Variants in TCHHL1 observed in about 807,000 individuals in gnomAD.
TCHHL1 encodes the protein trichohyalin like 1.
In TCHHL1, 1 loss-of-function variant was observed where a neutral mutation model predicts 3.5. The ratio of observed to expected loss-of-function variants is 0.29; its 90% CI spans 0.10 to 1.36. The LOEUF is 1.36. Ranked by LOEUF, TCHHL1 falls within the 40% of genes most tolerant of loss-of-function variation. TCHHL1 has a pLI of 0.43. For missense variants in TCHHL1, 1,027 were observed against 1,032.8 expected, an observed-to-expected ratio of 0.99 and a Z score of 0.08; for synonymous variants, 405 against 375.3, an observed-to-expected ratio of 1.08 and a Z score of -0.92.
Position 152,084,832 on chromosome 1 carries a change from G to C in TCHHL1, c.*135C>G. On this transcript the variant is annotated 3_prime_UTR_variant, in exon 3 of 3. Transcript: ENST00000368806. ...TTCTTTAGTGGTGTCCCCCACTGCT[G>C]AATATTTTATTATTTGTTTTTGTAG... The C allele has an allele frequency of 5.9e-6, 6 of 1,025,162 alleles. No homozygotes were observed. In the South Asian group the frequency reaches 8.3e-5, roughly 14 times the overall value. 63.5% of individuals were successfully genotyped at this position (1,025,162 alleles called of 1,614,324 possible).
Position 152,084,871 on chromosome 1 carries a change from G to T in TCHHL1, c.*96C>A, listed in dbSNP as rs539580149. The T allele has an allele frequency of 3.8e-6, 5 of 1,330,878 alleles. No homozygotes were observed. Among genetic ancestry groups the T allele is most frequent in the South Asian group, 1.4e-5 (1 of 69,420 alleles). 82.4% of individuals were successfully genotyped at this position (1,330,878 alleles called of 1,614,324 possible). A position where few individuals can be genotyped will look rare whatever the true frequency, so the allele number is the denominator to read the frequency against. On this transcript the variant is annotated 3_prime_UTR_variant, in exon 3 of 3. Coordinates refer to ENST00000368806, the MANE Select transcript of TCHHL1 (RefSeq NM_001008536.2). ...TTGTTTTTGTAGAAATTTAGGAAGA[G>T]AATTTAAAAGATTGTTAATCTGCAT...
intron 2 of TCHHL1, 46 bp downstream of exon 2, chr1:152,087,959 GA>G: frequency 6.5e-7 from 1 of 1,526,906 alleles, no homozygotes; most frequent in Non-Finnish European, 8.8e-7. Flanking sequence ...GGATTATAAA[GA>G]AAGGGTGAGT....
rs1329421105 is a variant in TCHHL1, at chr1:152,086,954, C to G, written c.728G>C (p.Ser243Thr). 2 of 1,614,026 alleles carry G rather than the reference C, an allele frequency of 1.2e-6. No homozygotes were observed. The highest frequency in any genetic ancestry group is 2.7e-5 in the African/African-American group (2 of 74,906). The change falls in exon 3 of 3, where the codon AGT (serine) becomes ACT (threonine). Residue 243 changes from serine to threonine, a missense_variant. Around this residue, in one of 3 missense-constraint regions of TCHHL1, gnomAD observed 338 missense variants for 335.9 expected, o/e 1.01. Transcript: ENST00000368806. ...QEGDEPAREQ[S>T]VSKIRDQFGE... ...AAACTGGTCTCTTATCTTGGAAACA[C>G]TTTGCTCTCTGGCTGGTTCATCTCC...
chr1:152,086,620 C>T lies in TCHHL1; in HGVS notation c.1062G>A (p.Glu354=), dbSNP rs2101505703. The T allele has an allele frequency of 1.2e-6, 2 of 1,614,118 alleles. No homozygotes were observed. The highest frequency in any genetic ancestry group is 4.5e-5 in the East Asian group (2 of 44,878). ...PAKTKNLGEP[E]DYGRTSETQE... is the part of the protein sequence containing the mutation. ...GGGTCTCAGATGTTCTGCCATAATCCTCAGGTTCACCCAAATTCTTTGTTT... is the reference window on the plus strand; with the variant it reads ...GGGTCTCAGATGTTCTGCCATAATCTTCAGGTTCACCCAAATTCTTTGTTT... Residue 354 remains glutamate (E), a synonymous_variant, in exon 3 of 3, where the codon GAG becomes GAA. Transcript: ENST00000368806.
At position 152,088,019 on chromosome 1, in the gene TCHHL1, C is replaced by T. The variant is rs76137589; in HGVS notation, c.125G>A (p.Gly42Glu). The change falls in exon 2 of 3, where the codon GGG becomes GAG. Residue 42 changes from glycine (G) to glutamate (E), a missense_variant. Transcript: ENST00000368806. The stretch of plus-strand genomic sequence containing the variant: ...TGAGAAGCTCACCTGAAAAAAGTCC[C>T]CAAACTCGCCCTGGATGAGTTGTTT... ...ELKQLIQGEF[G>E]DFFQPCVLHA... is the part of the protein sequence containing the mutation. 2.4e-3 allele frequency: 3,795 copies of T among 1,598,904 alleles called. 98 individuals are homozygous for T. The African/African-American group carries it at 0.048, about 20-fold the overall frequency.
In TCHHL1 at chr1:152,087,204, A is replaced by G. The variant is rs764848876; in HGVS notation, c.478T>C (p.Trp160Arg). 2.6e-5 allele frequency: 42 copies of G among 1,613,796 alleles called. No individual in the cohort carries two copies. In the Admixed American group the frequency reaches 6.3e-4, roughly 24 times the overall value. Residue 160 changes from tryptophan to arginine, a missense_variant, in exon 3 of 3, where the codon TGG becomes CGG. By Grantham distance (101) the Trp-to-Arg change is moderately radical. Coordinates refer to ENST00000368806, the MANE Select transcript of TCHHL1 (RefSeq NM_001008536.2). ...GAVGNNRVDP[W>R]REAKTHNFPG... ...AAGTTGTGAGTCTTGGCTTCTCTCC[A>G]TGGGTCCACTCTGTTATTTCCAACT...
rs767244206 is a variant in TCHHL1 at position 152,086,374 on chromosome 1, T to C, written c.1308A>G (p.Lys436=). 8 of 1,614,114 alleles carry C rather than the reference T, an allele frequency of 5.0e-6. No homozygotes were observed. In the South Asian group the frequency reaches 8.8e-5, roughly 18 times the overall value. Residue 436 remains lysine, a synonymous_variant, in exon 3 of 3, where the codon AAA becomes AAG. Transcript: ENST00000368806. ...GTGTCTCAGAACCTTTTTCAGCATC[T>C]TTTGATTTTGATAATCCTTGGAGTT... The part of the protein sequence containing the change: ...YQELQGLSKS[K]DAEKGSETQY...
Position 152,087,556 on chromosome 1 carries a change from A to T in TCHHL1, c.139-13T>A, listed in dbSNP as rs373607313. 14 of 1,573,002 alleles carry T rather than the reference A, an allele frequency of 8.9e-6. No individual in the cohort carries two copies. In the African/African-American group the frequency reaches 1.3e-4, roughly 15 times the overall value. On this transcript the variant is annotated splice_polypyrimidine_tract_variant and intron_variant, in intron 2 of 2. Coordinates refer to ENST00000368806, the MANE Select transcript of TCHHL1 (RefSeq NM_001008536.2). ...GAAGGACACAGGGCTGCATGAAAAC[A>T]CAGTGAGAAATCAGCTTATTTATAT...
At chr1:152,087,870 G>A (rs957190407) in intron 2 of TCHHL1, 136 bp downstream of exon 2, 2 of 1,148,706 alleles carry the variant, frequency 1.7e-6, no homozygotes, top group African/African-American at 3.1e-5. Context: ...ACTGAAAATA[G>A]TTGTTCAAGA....
chr1:152,087,586 T>C, intron 2 of TCHHL1, 43 bp from the exon 3 acceptor site: 2 of 1,536,506 alleles, frequency 1.3e-6, no homozygotes, highest in Non-Finnish European at 1.7e-6. Context: ...TTATATGTGG[T>C]CCAGTGTCCT....
In TCHHL1 at chr1:152,085,301, C is replaced by A; in HGVS notation, c.2381G>T (p.Gly794Val). 1 of 1,614,172 alleles carries A rather than the reference C, an allele frequency of 6.2e-7. No homozygotes were observed. The highest frequency in any genetic ancestry group is 8.5e-7 in the Non-Finnish European group (1 of 1,180,028). ...RDQEPCSVER[G>V]AVYSSPLYQY... ...GTATAGTGGACTGGAATAGACTGCA[C>A]CCCTCTCCACAGAACAGGGCTCTTG... The change falls in exon 3 of 3, where the codon GGT becomes GTT. Residue 794 changes from glycine (G) to valine (V), a missense_variant. By Grantham distance (109) the Gly-to-Val change is moderately radical (BLOSUM62 -3). Around this residue, in one of 3 missense-constraint regions of TCHHL1, gnomAD observed 673 missense variants for 658.6 expected, o/e 1.02. Transcript: ENST00000368806.
chr1:152,085,019 G>A lies in TCHHL1; in HGVS notation c.2663C>T (p.Pro888Leu). Reference protein sequence around the residue: ...PQALEDKQGHPQRERLVLQRE... With the variant: ...PQALEDKQGHLQRERLVLQRE... ...TTGTAGTACCAGCCTCTCTCTCTGA[G>A]GGTGACCTTGCTTATCTTCCAAGGC... The change falls in exon 3 of 3, where the codon CCT (proline) becomes CTT (leucine). Residue 888 changes from proline (P) to leucine (L), a missense_variant. By Grantham distance (98) the Pro-to-Leu change is moderately conservative (BLOSUM62 -3). This residue lies in a region of TCHHL1 where 673 missense variants were observed against 658.6 expected (regional missense o/e 1.02). Coordinates refer to ENST00000368806, the MANE Select transcript of TCHHL1 (RefSeq NM_001008536.2). 1.2e-6 allele frequency: 2 copies of A among 1,614,048 alleles called. No homozygotes were observed. Among genetic ancestry groups the A allele is most frequent in the South Asian group, 2.2e-5 (2 of 91,072 alleles).
chr1:152,085,099 C>T lies in TCHHL1; in HGVS notation c.2583G>A (p.Arg861=), dbSNP rs1657693193. ...NYSQASQPYT[R]GLPLDESPAG... ...CAGGACTCTCATCAAGTGGAAGTCC[C>T]CTGGTATATGGTTGTGATGCTTGGC... is the stretch of plus-strand genomic sequence containing the variant. The change falls in exon 3 of 3, where the codon AGG becomes AGA. Residue 861 remains arginine, a synonymous_variant. Coordinates refer to ENST00000368806, the MANE Select transcript of TCHHL1 (RefSeq NM_001008536.2). 4 of 1,613,992 alleles carry T rather than the reference C, an allele frequency of 2.5e-6. No homozygotes were observed. The highest frequency in any genetic ancestry group is 3.4e-6 in the Non-Finnish European group (4 of 1,180,020).
Position 152,086,848 on chromosome 1 carries a change from A to C in TCHHL1, c.834T>G (p.Val278=). 6.2e-7 allele frequency: 1 copy of C among 1,613,990 alleles called. No homozygotes were observed. Among genetic ancestry groups the C allele is most frequent in the Non-Finnish European group, 8.5e-7 (1 of 1,179,976 alleles). ...ATQRPCEDQE[V]RTEKEKHSNI... ...TAGAGTGTTTTTCCTTTTCTGTTCT[A>C]ACTTCCTGATCTTCACATGGTCTTT... The change falls in exon 3 of 3, where the codon GTT becomes GTG. Residue 278 remains valine, a synonymous_variant. Coordinates refer to ENST00000368806, the MANE Select transcript of TCHHL1 (RefSeq NM_001008536.2).
chr1:152,087,888 A>AGT (rs1353571709), intron 2 of TCHHL1, 118 bp downstream of exon 2: 9 of 1,237,890 alleles, frequency 7.3e-6, no homozygotes, highest in Non-Finnish European at 8.9e-6. Flanking sequence ...AGAGACAGTG[A>AGT]GTGCTGAGAA....
intron 2 of TCHHL1, 114 bp from the exon 3 acceptor site, chr1:152,087,657 C>T (rs773175881): frequency 1.8e-6 from 2 of 1,133,072 alleles, no homozygotes; most frequent in African/African-American, 3.1e-5. Flanking sequence ...TTAACTTTCC[C>T]AGAACAGCAA....
rs2101505084 is a variant in TCHHL1, at chr1:152,086,238, T to C, written c.1444A>G (p.Asn482Asp). 6.2e-7 allele frequency: 1 copy of C among 1,614,258 alleles called. No individual in the cohort carries two copies. Among genetic ancestry groups the C allele is most frequent in the African/African-American group, 1.3e-5 (1 of 75,066 alleles). Residue 482 changes from asparagine to aspartate, a missense_variant, in exon 3 of 3, where the codon AAC becomes GAC. Physicochemically the swap from Asn to Asp is conservative, Grantham distance 23. Transcript: ENST00000368806. ...TKEGTAEAFVNSKNAPAAERT... is the reference protein window; with the variant it reads ...TKEGTAEAFVDSKNAPAAERT... ...TCTGCTGCAGGTGCGTTTTTGCTGT[T>C]CACAAATGCTTCTGCTGTGCCTTCT...
In TCHHL1 at chr1:152,085,834, TC is replaced by T. The variant is rs746722954; in HGVS notation, c.1847del (p.Gly616GlufsTer55). On this transcript the variant is annotated frameshift_variant, in exon 3 of 3. Transcript: ENST00000368806. LOFTEE classifies it low-confidence loss of function (END_TRUNC). ...ALEAVVPAVR[G>X]EDVQLTEDQE... ...GGTCCTCTGTGAGCTGTACATCCTC[TC>T]CTCTGACTGCTGGTACCACTGCCTC... The T allele has an allele frequency of 6.2e-7, 1 of 1,614,186 alleles. No individual in the cohort carries two copies. Among genetic ancestry groups the T allele is most frequent in the Admixed American group, 1.7e-5 (1 of 60,020 alleles).
chr1:152,085,611 C>G lies in TCHHL1; in HGVS notation c.2071G>C (p.Gly691Arg). Residue 691 changes from glycine to arginine, a missense_variant, in exon 3 of 3, where the codon GGA (glycine) becomes CGA (arginine). Transcript: ENST00000368806. The part of the protein sequence containing the change: ...TDQLSLMQLP[G>R]KGDSRNELKV... ...AATTCATTTCTGCTATCTCCCTTTC[C>G]AGGGAGCTGCATTAGGGAAAGCTGG... is the stretch of plus-strand genomic sequence containing the variant. 6.2e-7 allele frequency: 1 copy of G among 1,614,146 alleles called. No homozygotes were observed. Among genetic ancestry groups the G allele is most frequent in the Non-Finnish European group, 8.5e-7 (1 of 1,180,032 alleles).
Sources: gnomAD v4.1 joint callset for allele counts on GRCh38, gnomAD v4.1.1 for gene constraint, gnomAD v4.1.1 regional missense constraint, MANE v1.5 for transcripts, NCBI Gene and HGNC (gene_info 2026-07-23, HGNC 2026-07-21) for gene names.